SLMAP: variants seen among roughly 807,000 people sequenced by gnomAD.
SLMAP encodes sarcolemma associated protein.
In SLMAP, 44 loss-of-function variants were observed where a neutral mutation model predicts 128.8. The ratio of observed to expected loss-of-function variants is 0.34; its 90% CI spans 0.27 to 0.44. The LOEUF (loss-of-function observed/expected upper bound fraction) is 0.44, where lower values mean the gene tolerates loss of function less well. SLMAP is among the 20% of genes least tolerant of loss of function. The probability of loss-of-function intolerance (pLI) is 1.00; values close to 1 mark genes in which losing one functional copy is unlikely to be tolerated. For synonymous variants in SLMAP, 327 were observed against 348.8 expected, an observed-to-expected ratio of 0.94 and a Z score of 0.70; for missense variants, 787 against 985.3, an observed-to-expected ratio of 0.80 and a Z score of 2.69.
intron 2 of SLMAP, among the ~76,000 whole-genome samples, chr3:57,809,543 G>A (rs991632385): frequency 1.3e-5 from 2 of 152,186 alleles, no homozygotes; most frequent in Non-Finnish European, 2.9e-5. Context: ...TGGGCACCAC[G>A]AACAGCAGCA....
chr3:57,865,281 G>C lies in SLMAP; in HGVS notation c.1226G>C (p.Ser409Thr), dbSNP rs1163436225. Residue 409 changes from serine (S) to threonine (T), a missense_variant, in exon 13 of 25, where the codon AGC becomes ACC. Physicochemically the swap from Ser to Thr is moderately conservative, Grantham distance 58. Transcript: ENST00000671191. ...GACTTCTTACCTAAAATAAATGGGAGCACAGAAAAAGGTAGTGTAAAAAAC... is the reference window on the plus strand; with the variant it reads ...GACTTCTTACCTAAAATAAATGGGACCACAGAAAAAGGTAGTGTAAAAAAC... ...VDDFLPKING[S>T]TEKEHLLSKS... 1 of 1,468,340 alleles carries C rather than the reference G, an allele frequency of 6.8e-7. No individual in the cohort carries two copies. Among genetic ancestry groups the C allele is most frequent in the Admixed American group, 2.1e-5 (1 of 48,348 alleles). The allele number at this position is 1,468,340 out of a possible 1,614,324, so 91.0% of individuals were successfully genotyped here. A position where few individuals can be genotyped will look rare whatever the true frequency, so the allele number is the denominator to read the frequency against.
At chr3:57,833,640 G>A (rs2093469060) in intron 3 of SLMAP, among the ~76,000 whole-genome samples, 1 of 151,966 alleles carries the variant, frequency 6.6e-6, no homozygotes, top group South Asian at 2.1e-4. Context: ...GGATGGTCTC[G>A]TTCTCTTGAC....
In SLMAP at chr3:57,757,770, C is replaced by A. The variant is rs1228536991; in HGVS notation, c.119C>A (p.Ala40Glu). ...CGCTCAGTGGCCCGCTGTCGACCAG[C>A]GCAGAATAATGCCACTTTTGATTGC... ...IGRSVARCRP[A>E]QNNATFDCKV... Residue 40 changes from alanine to glutamate, a missense_variant, in exon 2 of 25, where the codon GCG (alanine) becomes GAG (glutamate). Transcript: ENST00000671191. 4 of 1,614,178 alleles carry A rather than the reference C, an allele frequency of 2.5e-6. No individual in the cohort carries two copies. The highest frequency in any genetic ancestry group is 3.4e-6 in the Non-Finnish European group (4 of 1,180,044).
chr3:57,785,189 A>G (rs2083835305), intron 2 of SLMAP, among the ~76,000 whole-genome samples: 1 of 152,218 alleles, frequency 6.6e-6, no homozygotes, highest in South Asian at 2.1e-4. Flanking sequence ...CTTAATCTAC[A>G]TAAAATTTAA....
intron 4 of SLMAP, 41 bp from the exon 5 acceptor site, chr3:57,847,156 T>A: frequency 7.3e-6 from 10 of 1,364,952 alleles, no homozygotes; most frequent in Non-Finnish European, 1.0e-5. Flanking sequence ...TTTCCTCTAT[T>A]GTCCGGATAT....
At chr3:57,764,498 T>C (rs559615274) in intron 2 of SLMAP, among the ~76,000 whole-genome samples, 26 of 133,978 alleles carry the variant, frequency 1.9e-4, no homozygotes, top group African/African-American at 6.5e-4. Flanking sequence ...GGAGACTGCA[T>C]CTCAAAAAAA....
chr3:57,760,078 C>G lies in SLMAP; in HGVS notation c.198+2229C>G, dbSNP rs554179172. On this transcript the variant is annotated intron_variant, in intron 2 of 24. Coordinates refer to ENST00000671191, the MANE Select transcript of SLMAP (RefSeq NM_001377540.1). ...TCTTAGCCTCCTGAGTAGCTGGGAT[C>G]ACAGGCGCATGCCACCATGCCCAGC... Among the ~76,000 whole-genome samples, 16 of 152,168 alleles carry G rather than the reference C, an allele frequency of 1.1e-4. No homozygotes were observed. In the South Asian group the frequency reaches 3.3e-3, roughly 32 times the overall value.
At chr3:57,841,200 T>C (rs144178009) in intron 3 of SLMAP, 99 bp from the exon 4 acceptor site, 5 of 633,576 alleles carry the variant, frequency 7.9e-6, no homozygotes, top group Non-Finnish European at 1.3e-5. Context: ...TCTGAGAAAT[T>C]GTTACTTTTA....
intron 24 of SLMAP, 139 bp downstream of exon 24, chr3:57,926,073 G>T: frequency 1.5e-6 from 1 of 653,556 alleles, no homozygotes; most frequent in South Asian, 1.9e-5. Context: ...CCGTGTATTT[G>T]TGTCATACCA....
chr3:57,774,076 C>T (rs1259337591), intron 2 of SLMAP, among the ~76,000 whole-genome samples: 1 of 152,144 alleles, frequency 6.6e-6, no homozygotes, highest in Non-Finnish European at 1.5e-5. Flanking sequence ...ATAGAAACTG[C>T]TTCAGAACTT....
intron 8 of SLMAP, among the ~76,000 whole-genome samples, chr3:57,858,776 C>T (rs2094907765): frequency 6.6e-6 from 1 of 152,086 alleles, no homozygotes; most frequent in African/African-American, 2.4e-5. Context: ...AATCCCATCA[C>T]TACTAAAAAT....
chr3:57,782,324 C>A (rs1235556925), intron 2 of SLMAP, among the ~76,000 whole-genome samples: 1 of 152,098 alleles, frequency 6.6e-6, no homozygotes, highest in East Asian at 1.9e-4. Flanking sequence ...CATTTATAGG[C>A]AGAAGTTTCC....
At chr3:57,906,317 T>TTCTTTTTTTTTTTTTTTTTTG (rs1553637805) in intron 17 of SLMAP, among the ~76,000 whole-genome samples, 1 of 121,716 alleles carries the variant, frequency 8.2e-6, no homozygotes, top group African/African-American at 3.1e-5. Context: ...TTTCTTTTTT[T>TTCTTTTTTTTTTTTTTTTTTG]TTTTTTTTTT....
intron 10 of SLMAP, among the ~76,000 whole-genome samples, chr3:57,863,720 C>T (rs144651100): frequency 6.6e-6 from 1 of 152,106 alleles, no homozygotes; most frequent in Admixed American, 6.5e-5. Flanking sequence ...GGGATCTGCT[C>T]CCATAACCCA....
chr3:57,791,479 T>G (rs1207020190), intron 2 of SLMAP, among the ~76,000 whole-genome samples: 1 of 152,206 alleles, frequency 6.6e-6, no homozygotes, highest in South Asian at 2.1e-4. Flanking sequence ...ATCTGCACTG[T>G]CACTTCCTTA....
At chr3:57,907,821 C>T in intron 17 of SLMAP, 63 bp from the exon 18 acceptor site, 1 of 1,500,564 alleles carries the variant, frequency 6.7e-7, no homozygotes, top group Middle Eastern at 1.8e-4. Flanking sequence ...GATTACCAGT[C>T]TTTTATTGTA....
intron 2 of SLMAP, among the ~76,000 whole-genome samples, chr3:57,794,109 T>C (rs6768930): frequency 0.36 from 55,329 of 152,002 alleles, 11,076 homozygotes; most frequent in South Asian, 0.6. Flanking sequence ...ATCAGGAAAC[T>C]TTTTAGATGA....
chr3:57,849,710 C>CT (rs773614636), intron 5 of SLMAP, 44 bp from the exon 6 acceptor site: 1 of 1,030,568 alleles, frequency 9.7e-7, no homozygotes, highest in East Asian at 2.4e-5. Context: ...CTTTAATGTT[C>CT]TTTATGAAGT....
intron 13 of SLMAP, among the ~76,000 whole-genome samples, chr3:57,869,878 A>G (rs2095441268): frequency 6.6e-6 from 1 of 151,390 alleles, no homozygotes; most frequent in African/African-American, 2.4e-5. Flanking sequence ...TACAGTAGCT[A>G]ATGGCTATAG....
Sources: allele counts gnomAD v4.1 joint callset (sites outside exome capture counted in the v4.1 genomes callset), GRCh38; gene constraint gnomAD v4.1.1; transcripts MANE v1.5; gene names NCBI Gene and HGNC (gene_info 2026-07-23, HGNC 2026-07-21).